The following ACER3 variants were observed in gnomAD, a reference collection of about 807,000 sequenced individuals.
ACER3 encodes the protein alkaline ceramidase 3.
ACER3 carries 16 observed loss-of-function variants against 48.9 expected under a neutral mutation model. That is an observed-to-expected ratio of 0.33 (90% CI 0.22 to 0.50). ACER3 has a LOEUF of 0.50. ACER3 is among the 20% of genes least tolerant of loss of function. The pLI is 0.98. For missense variants in ACER3, 227 were observed against 326.0 expected, an observed-to-expected ratio of 0.70 and a Z score of 2.34; for synonymous variants, 109 against 107.8, an observed-to-expected ratio of 1.01 and a Z score of -0.07.
At chr11:76,981,779 C>T (rs1312768988) in intron 4 of ACER3, among the ~76,000 whole-genome samples, 1 of 152,064 alleles carries the variant, frequency 6.6e-6, no homozygotes, top group African/African-American at 2.4e-5. Flanking sequence ...ATACTGTTTA[C>T]CAATGTTGAA....
At chr11:76,896,083 T>C (rs1945921350) in intron 1 of ACER3, among the ~76,000 whole-genome samples, 1 of 152,206 alleles carries the variant, frequency 6.6e-6, no homozygotes, top group Non-Finnish European at 1.5e-5. Context: ...TTCCCATATC[T>C]GGAACCATTT....
chr11:76,959,615 C>G (rs1029427152), intron 3 of ACER3, among the ~76,000 whole-genome samples: 2 of 151,714 alleles, frequency 1.3e-5, no homozygotes, highest in African/African-American at 2.4e-5. Context: ...TGCAGTGGTG[C>G]AATCTTGGCT....
Position 77,022,892 on chromosome 11 carries a change from A to T in ACER3, c.*2565A>T. The T allele has an allele frequency of 2.9e-6, 1 of 341,344 alleles. No homozygotes were observed. The highest frequency in any genetic ancestry group is 5.2e-6 in the Non-Finnish European group (1 of 192,028). 21.1% of individuals were successfully genotyped at this position (341,344 alleles called of 1,614,324 possible). On this transcript the variant is annotated 3_prime_UTR_variant, in exon 11 of 11. Coordinates refer to ENST00000532485, the MANE Select transcript of ACER3 (RefSeq NM_018367.7). ...TCAAAAAAAAAAAAAAAAAAAAAAA[A>T]GAAAAGAAAAGAAAATATAAGGATG...
Position 76,901,982 on chromosome 11 carries a change from C to G in ACER3, c.104-24575C>G, listed in dbSNP as rs200098009. On this transcript the variant is annotated intron_variant, in intron 1 of 10. Transcript: ENST00000532485. Reference sequence around the variant, plus strand: ...GGTCTCCTCCTTTATTCGAGTTAACCTATCCCTTCCTGCCTTAAATCCTGG... The same window carrying G: ...GGTCTCCTCCTTTATTCGAGTTAACGTATCCCTTCCTGCCTTAAATCCTGG... Among the ~76,000 whole-genome samples, 9 of 152,166 alleles carry G rather than the reference C, an allele frequency of 5.9e-5. No individual in the cohort carries two copies. In the South Asian group the frequency reaches 8.3e-4, roughly 14 times the overall value.
intron 2 of ACER3, among the ~76,000 whole-genome samples, chr11:76,932,577 G>C (rs1233616096): frequency 6.6e-6 from 1 of 152,108 alleles, no homozygotes; most frequent in Non-Finnish European, 1.5e-5. Context: ...AGAACAAAAA[G>C]ACCTGAGGGA....
Position 77,025,402 on chromosome 11 carries a change from ATATATATATT to A in ACER3, c.*5079_*5088del. On this transcript the variant is annotated 3_prime_UTR_variant, in exon 11 of 11. Coordinates refer to ENST00000532485, the MANE Select transcript of ACER3 (RefSeq NM_018367.7). Reference sequence around the variant, plus strand: ...ATTTTATTTTATTCTTTATATATATATATATATATTTATTTATTTTTTTGAGACAGAGTCT... The same window carrying A: ...ATTTTATTTTATTCTTTATATATATATATTTATTTTTTTGAGACAGAGTCT... The A allele has an allele frequency of 6.9e-6, 1 of 143,964 alleles. No homozygotes were observed. Among genetic ancestry groups the A allele is most frequent in the African/African-American group, 2.6e-5 (1 of 38,086 alleles). 8.9% of individuals were successfully genotyped at this position (143,964 alleles called of 1,614,324 possible).
intron 1 of ACER3, among the ~76,000 whole-genome samples, chr11:76,874,047 A>G (rs1158565084): frequency 1.3e-5 from 2 of 152,202 alleles, no homozygotes; most frequent in African/African-American, 4.8e-5. Context: ...ATGAAGAAAC[A>G]TTTTAAGACC....
chr11:76,972,733 T>C (rs537049396), intron 3 of ACER3, among the ~76,000 whole-genome samples: 1 of 152,142 alleles, frequency 6.6e-6, no homozygotes, highest in African/African-American at 2.4e-5. Flanking sequence ...TGAGGGTGCA[T>C]GTGTCTCCCT....
intron 2 of ACER3, among the ~76,000 whole-genome samples, chr11:76,928,120 G>A (rs1055095810): frequency 5.9e-5 from 9 of 152,048 alleles, no homozygotes; most frequent in East Asian, 1.9e-4. Flanking sequence ...TCTCCAGCAC[G>A]TGTTGTTTCC....
chr11:76,902,453 A>T (rs983364025), intron 1 of ACER3, among the ~76,000 whole-genome samples: 5 of 152,232 alleles, frequency 3.3e-5, no homozygotes, highest in Non-Finnish European at 7.3e-5. Context: ...AGCTGCAGTG[A>T]TGCCTTCACA....
chr11:77,000,408 C>T (rs1026633724), intron 7 of ACER3, among the ~76,000 whole-genome samples: 1 of 152,126 alleles, frequency 6.6e-6, no homozygotes, highest in African/African-American at 2.4e-5. Context: ...AATGAGCAAA[C>T]ATTTTTAATT....
intron 1 of ACER3, among the ~76,000 whole-genome samples, chr11:76,869,436 G>A (rs999628436): frequency 3.9e-5 from 6 of 152,202 alleles, no homozygotes; most frequent in Admixed American, 2.6e-4. Flanking sequence ...TAGCGTTAGT[G>A]CTGCAAGAGC....
chr11:76,933,926 T>A (rs111327566), intron 2 of ACER3, among the ~76,000 whole-genome samples: 1 of 150,682 alleles, frequency 6.6e-6, no homozygotes, highest in Non-Finnish European at 1.5e-5. Context: ...TCCTCACTTC[T>A]TAGTCGGGGC....
At chr11:76,890,238 C>A (rs900943188) in intron 1 of ACER3, among the ~76,000 whole-genome samples, 1 of 152,036 alleles carries the variant, frequency 6.6e-6, no homozygotes, top group South Asian at 2.1e-4. Context: ...AAATTACATG[C>A]CCACACCTTA....
intron 7 of ACER3, among the ~76,000 whole-genome samples, chr11:77,011,049 AAG>A (rs1194283540): frequency 6.6e-6 from 1 of 152,224 alleles, no homozygotes; most frequent in Non-Finnish European, 1.5e-5. Flanking sequence ...GATCCAATGA[AAG>A]AGAGAGGTGA....
chr11:76,887,436 C>G (rs1945700012), intron 1 of ACER3, among the ~76,000 whole-genome samples: 1 of 152,030 alleles, frequency 6.6e-6, no homozygotes, highest in African/African-American at 2.4e-5. Context: ...ATATGCCTTG[C>G]ATTAGATGGA....
Position 76,900,887 on chromosome 11 carries a change from G to A in ACER3, c.104-25670G>A, listed in dbSNP as rs561210919. Among the ~76,000 whole-genome samples the A allele has an allele frequency of 5.9e-5, 9 of 152,044 alleles. No homozygotes were observed. The East Asian group carries it at 1.2e-3, about 20-fold the overall frequency. The stretch of plus-strand genomic sequence containing the variant: ...CCCTTCACCCTCTACCTTTTTTGCC[G>A]TATCTACAATCTGTTTCATGATTTC... On this transcript the variant is annotated intron_variant, in intron 1 of 10. Transcript: ENST00000532485.
intron 7 of ACER3, among the ~76,000 whole-genome samples, chr11:77,006,676 A>ATT (rs149915403): frequency 6.6e-6 from 1 of 150,600 alleles, no homozygotes; most frequent in African/African-American, 2.4e-5. Context: ...TGCCCTTCAC[A>ATT]TTTTTTTTAA....
rs150718711 is a variant in ACER3 at position 76,917,200 on chromosome 11, A to G, written c.104-9357A>G. On this transcript the variant is annotated intron_variant, in intron 1 of 10. Coordinates refer to ENST00000532485, the MANE Select transcript of ACER3 (RefSeq NM_018367.7). ...CGACTTCTGGATGAAATGTTTCACC[A>G]TAAACCTACCTAGACTGGAGGTCTT... Among the ~76,000 whole-genome samples, 1,115 of 152,308 alleles carry G rather than the reference A, an allele frequency of 7.3e-3. 2 individuals carry two copies. Among genetic ancestry groups the G allele is most frequent in the Non-Finnish European group, 0.011 (777 of 68,034 alleles).
Sources: gnomAD v4.1 joint callset for allele counts (sites outside exome capture counted in the v4.1 genomes callset) on GRCh38, gnomAD v4.1.1 for gene constraint, MANE v1.5 for transcripts, NCBI Gene and HGNC (gene_info 2026-07-23, HGNC 2026-07-21) for gene names.